The following NALF1 variants were observed in gnomAD, a reference collection of about 807,000 sequenced individuals.
NALF1 encodes the protein family with sequence similarity 155 member A.
In NALF1, 3 loss-of-function variants were observed where a neutral mutation model predicts 48.4. That is an observed-to-expected ratio of 0.06 (90% CI 0.03 to 0.16). The LOEUF is 0.16. Ranked by LOEUF, NALF1 falls within the 10% of genes least tolerant of loss-of-function variation. The probability of loss-of-function intolerance (pLI) is 1.00; values close to 1 mark genes in which losing one functional copy is unlikely to be tolerated. For missense variants in NALF1, 526 were observed against 571.5 expected, an observed-to-expected ratio of 0.92 and a Z score of 0.81; for synonymous variants, 262 against 245.7, an observed-to-expected ratio of 1.07 and a Z score of -0.62.
At chr13:107,312,182 A>T (rs6492043) in intron 1 of NALF1, among the ~76,000 whole-genome samples, 12,180 of 152,044 alleles carry the variant, frequency 0.08, 961 homozygotes, top group African/African-American at 0.2. Flanking sequence ...CAAATGTCCA[A>T]CAATGATAGA....
At position 107,773,849 on chromosome 13, in the gene NALF1, G is replaced by A. The variant is rs193096726; in HGVS notation, c.915+91833C>T. ...CATATGTAACAAACCTGCACATTGC[G>A]CACATGTACCTTAAAACATAAAGTA... On this transcript the variant is annotated intron_variant, in intron 1 of 2. Transcript: ENST00000375915. Among the ~76,000 whole-genome samples the A allele has an allele frequency of 1.3e-3, 193 of 151,888 alleles. 1 individual carries two copies. Among genetic ancestry groups the A allele is most frequent in the African/African-American group, 4.2e-3 (174 of 41,414 alleles).
chr13:107,867,260 G>T lies in NALF1; in HGVS notation c.-664C>A, dbSNP rs1471933057. On this transcript the variant is annotated 5_prime_UTR_variant, in exon 1 of 3. Coordinates refer to ENST00000375915, the MANE Select transcript of NALF1 (RefSeq NM_001080396.3). This position sits in a 1 kb window ranked among gnomAD's most constrained non-coding sequence, Gnocchi z 4.4. ...GTCCGGAGCCTGGGCTGCCTCCGGC[G>T]GGGCGCTCCCTCCCCCCCACCCCCC... Among the ~76,000 whole-genome samples the T allele has an allele frequency of 6.8e-6, 1 of 147,680 alleles. No homozygotes were observed.
chr13:107,836,736 A>C, intron 1 of NALF1, among the ~76,000 whole-genome samples: 1 of 152,188 alleles, frequency 6.6e-6, no homozygotes, highest in Non-Finnish European at 1.5e-5. Flanking sequence ...TTCACTAGCC[A>C]AGTGACCTCA....
chr13:107,678,192 C>T (rs920807529), intron 1 of NALF1, among the ~76,000 whole-genome samples: 1 of 152,082 alleles, frequency 6.6e-6, no homozygotes, highest in South Asian at 2.1e-4. Context: ...TTGCACTTTA[C>T]AAGCTTTCTT....
chr13:107,225,764 C>A lies in NALF1; in HGVS notation c.916-15009G>T, dbSNP rs188868197. On this transcript the variant is annotated intron_variant, in intron 1 of 2. Transcript: ENST00000375915. ...TCCATAGAGATACTGAACACACAAACCAAAGGAGCATCACATCCCCTGAAT... is the reference window on the plus strand; with the variant it reads ...TCCATAGAGATACTGAACACACAAAACAAAGGAGCATCACATCCCCTGAAT... 1.6e-3 allele frequency among the ~76,000 whole-genome samples: 239 copies of A among 152,198 alleles called. 1 individual carries two copies. Among genetic ancestry groups the A allele is most frequent in the African/African-American group, 5.3e-3 (221 of 41,530 alleles).
chr13:107,175,180 C>G (rs1316251628), intron 2 of NALF1, among the ~76,000 whole-genome samples: 1 of 151,846 alleles, frequency 6.6e-6, no homozygotes, highest in Non-Finnish European at 1.5e-5. Flanking sequence ...TGAGCCATCG[C>G]GCCCGGCCCA....
intron 1 of NALF1, among the ~76,000 whole-genome samples, chr13:107,767,471 G>A (rs1877447558): frequency 6.6e-6 from 1 of 152,182 alleles, no homozygotes; most frequent in Non-Finnish European, 1.5e-5. Flanking sequence ...TGTCTTACAA[G>A]GATTTCAGCT....
intron 1 of NALF1, among the ~76,000 whole-genome samples, chr13:107,624,944 C>T (rs942216164): frequency 7.2e-5 from 11 of 152,128 alleles, no homozygotes; most frequent in South Asian, 4.1e-4. Flanking sequence ...TGTTCTAACC[C>T]GTAGACATTT....
chr13:107,606,329 TATATGTATATACACAC>T (rs1395893567), intron 1 of NALF1, among the ~76,000 whole-genome samples: 2 of 151,684 alleles, frequency 1.3e-5, no homozygotes, highest in African/African-American at 4.8e-5. Flanking sequence ...TGTGTGTTTA[TATATGTATATACACAC>T]ATATGTATAT....
At chr13:107,306,893 A>G (rs1216610794) in intron 1 of NALF1, among the ~76,000 whole-genome samples, 1 of 152,158 alleles carries the variant, frequency 6.6e-6, no homozygotes, top group Non-Finnish European at 1.5e-5. Context: ...TGAGCCCGGG[A>G]GGTCGGGTGT....
At chr13:107,431,553 G>A (rs1250795225) in intron 1 of NALF1, among the ~76,000 whole-genome samples, 4 of 152,232 alleles carry the variant, frequency 2.6e-5, no homozygotes, top group Non-Finnish European at 5.9e-5. Context: ...GTAGGACTGT[G>A]TGGTAGAGCT....
chr13:107,710,541 G>T (rs1188548107), intron 1 of NALF1, among the ~76,000 whole-genome samples: 1 of 152,048 alleles, frequency 6.6e-6, no homozygotes, highest in Non-Finnish European at 1.5e-5. Context: ...AATCATGGCA[G>T]AAGGCAAAGG....
intron 1 of NALF1, among the ~76,000 whole-genome samples, chr13:107,772,729 C>T (rs1262127950): frequency 1.3e-5 from 2 of 152,152 alleles, no homozygotes; most frequent in African/African-American, 2.4e-5. Context: ...TCTTGGGTCA[C>T]GGCCTTGACT....
At chr13:107,808,200 G>C (rs559935867) in intron 1 of NALF1, among the ~76,000 whole-genome samples, 1 of 152,010 alleles carries the variant, frequency 6.6e-6, no homozygotes, top group Non-Finnish European at 1.5e-5. Flanking sequence ...TAGCCTTTGT[G>C]GGTTATAGGT....
chr13:107,357,061 GATACA>G (rs1882975225), intron 1 of NALF1, among the ~76,000 whole-genome samples: 1 of 152,168 alleles, frequency 6.6e-6, no homozygotes, highest in South Asian at 2.1e-4. Context: ...AGGGTTCTGA[GATACA>G]ATGGAGAACA....
chr13:107,706,629 C>T (rs1007732540), intron 1 of NALF1, among the ~76,000 whole-genome samples: 6 of 152,100 alleles, frequency 3.9e-5, no homozygotes, highest in Admixed American at 3.3e-4. Flanking sequence ...AAAGCACTGT[C>T]GCTCAGAGAA....
intron 1 of NALF1, among the ~76,000 whole-genome samples, chr13:107,642,080 G>C (rs896314728): frequency 7.2e-5 from 11 of 152,220 alleles, no homozygotes; most frequent in African/African-American, 2.4e-4. Flanking sequence ...GAGCACGTTG[G>C]AAAGGCAGCA....
At chr13:107,734,830 G>T (rs761838959) in intron 1 of NALF1, among the ~76,000 whole-genome samples, 2 of 152,088 alleles carry the variant, frequency 1.3e-5, no homozygotes, top group African/African-American at 4.8e-5. Flanking sequence ...CTAAGAATTT[G>T]TATGAGTAAT....
At chr13:107,667,716 T>G (rs181186507) in intron 1 of NALF1, among the ~76,000 whole-genome samples, 2 of 152,238 alleles carry the variant, frequency 1.3e-5, no homozygotes, top group Admixed American at 6.5e-5. Context: ...TGCCATCCAT[T>G]ATAAACAAAG....
Sources: allele counts gnomAD v4.1 joint callset (sites outside exome capture counted in the v4.1 genomes callset), GRCh38; gene constraint gnomAD v4.1.1; non-coding constraint Gnocchi (gnomAD v3.1); transcripts MANE v1.5; gene names NCBI Gene and HGNC (gene_info 2026-07-23, HGNC 2026-07-21).